Variants in LMLN observed in about 807,000 individuals in gnomAD.
LMLN encodes the protein leishmanolysin-like peptidase.
A neutral mutation model predicts 92.3 loss-of-function variants in LMLN; 70 were observed. The observed-to-expected ratio is 0.76, with a 90% confidence interval of 0.63 to 0.92. LMLN has a LOEUF of 0.92. Among genes scored for constraint, LMLN ranks in the 40% least tolerant of loss-of-function variants. The probability of loss-of-function intolerance (pLI) is 0.00; values close to 1 mark genes in which losing one functional copy is unlikely to be tolerated. For synonymous variants in LMLN, 308 were observed against 296.2 expected, an observed-to-expected ratio of 1.04 and a Z score of -0.41; for missense variants, 691 against 814.6, an observed-to-expected ratio of 0.85 and a Z score of 1.85.
At chr3:197,963,499 CA>C (rs774657447) in intron 1 of LMLN, among the ~76,000 whole-genome samples, 4 of 152,170 alleles carry the variant, frequency 2.6e-5, no homozygotes, top group Non-Finnish European at 4.4e-5. Flanking sequence ...CCAGATCTTG[CA>C]TGTTTTTTGT....
At chr3:197,985,757 T>G (rs1481700344) in intron 7 of LMLN, 39 bp from the exon 8 acceptor site, 1 of 1,368,272 alleles carries the variant, frequency 7.3e-7, no homozygotes, top group Admixed American at 1.7e-5. Context: ...TCAGCCTTGA[T>G]GTTTTTCACT....
chr3:198,017,909 C>G (rs1234577496), intron 11 of LMLN, among the ~76,000 whole-genome samples: 3 of 152,164 alleles, frequency 2.0e-5, no homozygotes, highest in African/African-American at 7.2e-5. Flanking sequence ...GAGCAAGACT[C>G]TGTCTCAAAA....
chr3:197,968,263 G>A (rs942387817), intron 1 of LMLN, among the ~76,000 whole-genome samples: 26 of 151,800 alleles, frequency 1.7e-4, no homozygotes, highest in Admixed American at 1.1e-3. Context: ...TCAGGAGATC[G>A]AAACCATCCT....
intron 10 of LMLN, 151 bp downstream of exon 10, chr3:197,996,433 CCTTA>C: frequency 2.1e-6 from 1 of 477,522 alleles, no homozygotes; most frequent in Non-Finnish European, 3.7e-6. Context: ...TACAGTCACT[CCTTA>C]CTTTTTTTGT....
chr3:198,029,699 CA>C (rs1407464267), intron 14 of LMLN, among the ~76,000 whole-genome samples: 1 of 151,976 alleles, frequency 6.6e-6, no homozygotes, highest in Non-Finnish European at 1.5e-5. Context: ...CAGAAAAACA[CA>C]CAAAAAACTA....
At chr3:198,039,944 A>G (rs2109965540) in exon 16 of LMLN, 1 of 152,368 alleles carries the variant, frequency 6.6e-6, no homozygotes, top group East Asian at 1.9e-4. Flanking sequence ...CCCTGTAAAA[A>G]CATGGAAGAC....
At chr3:197,975,173 G>A in intron 3 of LMLN, 101 bp downstream of exon 3, 1 of 660,512 alleles carries the variant, frequency 1.5e-6, no homozygotes. Context: ...TTTTGTGACT[G>A]AATGAAAGGT....
intron 12 of LMLN, among the ~76,000 whole-genome samples, chr3:198,020,042 G>A (rs911794910): frequency 1.3e-5 from 2 of 152,000 alleles, no homozygotes; most frequent in Admixed American, 6.6e-5. Context: ...CATATTTTTA[G>A]TAGAGTTGGG....
intron 1 of LMLN, among the ~76,000 whole-genome samples, chr3:197,972,009 G>C (rs1721241562): frequency 7.8e-6 from 1 of 128,168 alleles, no homozygotes; most frequent in Non-Finnish European, 1.6e-5. Context: ...ATAATGTCTA[G>C]ATCTATCTTC....
rs183927007 is a variant in LMLN, at chr3:198,000,633, G to A, written c.1232+1291G>A. On this transcript the variant is annotated intron_variant, in intron 11 of 15. Transcript: ENST00000330198. The stretch of plus-strand genomic sequence containing the variant: ...AGTGTAGATGGGGTTTCGCCATGTC[G>A]GCCAGGCTGGTCTGGAACTCGTGAC... Among the ~76,000 whole-genome samples, 21 of 151,752 alleles carry A rather than the reference G, an allele frequency of 1.4e-4. No homozygotes were observed. In the East Asian group the frequency reaches 3.7e-3, roughly 27 times the overall value.
At chr3:198,002,766 GA>G (rs1302984925) in intron 11 of LMLN, among the ~76,000 whole-genome samples, 1 of 152,132 alleles carries the variant, frequency 6.6e-6, no homozygotes, top group Admixed American at 6.5e-5. Context: ...AATTACAATA[GA>G]AATTTTATAC....
At chr3:197,966,737 T>A (rs193020628) in intron 1 of LMLN, among the ~76,000 whole-genome samples, 31 of 152,274 alleles carry the variant, frequency 2.0e-4, no homozygotes, top group African/African-American at 7.5e-4. Context: ...TTATTACCCT[T>A]TTTACATTTT....
At chr3:197,981,276 G>T (rs774485399) in intron 6 of LMLN, among the ~76,000 whole-genome samples, 2 of 152,096 alleles carry the variant, frequency 1.3e-5, no homozygotes, top group Non-Finnish European at 2.9e-5. Flanking sequence ...GGAGGCTGAG[G>T]TGGGAGGATT....
chr3:198,040,099 T>G (rs1426581926), exon 16 of LMLN: 3 of 152,186 alleles, frequency 2.0e-5, no homozygotes, highest in Admixed American at 1.3e-4. Flanking sequence ...TTAAAATGGG[T>G]TAAGAAATTG....
rs1383914517 is a variant in LMLN at position 198,019,099 on chromosome 3, G to A, written c.1233-154G>A. 6.6e-6 allele frequency among the ~76,000 whole-genome samples: 1 copy of A among 152,192 alleles called. No homozygotes were observed. Among genetic ancestry groups the A allele is most frequent in the African/African-American group, 2.4e-5 (1 of 41,442 alleles). ...CTCTTTGTAGCTGCAGGGCAGAGGG[G>A]ACATTGCCTCCATCTCTTTCCAAGA... On this transcript the variant is annotated intron_variant, in intron 11 of 15. Transcript: ENST00000330198. This position sits in a 1 kb window ranked among gnomAD's most constrained non-coding sequence, Gnocchi z 5.5.
At chr3:197,985,772 G>A in intron 7 of LMLN, 24 bp from the exon 8 acceptor site, 1 of 1,509,718 alleles carries the variant, frequency 6.6e-7, no homozygotes, top group Non-Finnish European at 9.2e-7. Flanking sequence ...TTCACTTGAA[G>A]ACATTTTGAA....
At chr3:198,012,248 A>G (rs1448219664) in intron 11 of LMLN, among the ~76,000 whole-genome samples, 2 of 152,080 alleles carry the variant, frequency 1.3e-5, no homozygotes, top group African/African-American at 4.8e-5. Flanking sequence ...TATTTGTAGT[A>G]GAGACGGGGT....
chr3:198,011,746 T>G (rs565610988), intron 11 of LMLN, among the ~76,000 whole-genome samples: 1,939 of 152,026 alleles, frequency 0.013, 43 homozygotes, highest in African/African-American at 0.044. Context: ...ACCAACAATG[T>G]AAAAGTGTTC....
Position 197,985,942 on chromosome 3 carries a change from C to T in LMLN, c.929+52C>T, listed in dbSNP as rs763216327. 6 of 1,109,710 alleles carry T rather than the reference C, an allele frequency of 5.4e-6. No homozygotes were observed. The South Asian group carries it at 7.5e-5, about 14-fold the overall frequency. 68.7% of individuals were successfully genotyped at this position (1,109,710 alleles called of 1,614,324 possible). On this transcript the variant is annotated intron_variant, in intron 8 of 15. Coordinates refer to ENST00000330198, the Ensembl canonical transcript of LMLN. ...CTCCTCTTTTAGGAGGGTGCTAAGACTAGAATCTGAGAATCACAGTATATT... is the reference window on the plus strand; with the variant it reads ...CTCCTCTTTTAGGAGGGTGCTAAGATTAGAATCTGAGAATCACAGTATATT...
Sources: gnomAD v4.1 joint callset for allele counts (sites outside exome capture counted in the v4.1 genomes callset) on GRCh38, gnomAD v4.1.1 for gene constraint, Gnocchi (gnomAD v3.1) non-coding constraint, MANE v1.5 for transcripts, NCBI Gene and HGNC (gene_info 2026-07-23, HGNC 2026-07-21) for gene names.